ADAMTSL1: variants seen among roughly 807,000 people sequenced by gnomAD.
The protein encoded by ADAMTSL1 is ADAMTS-like protein 1.
ADAMTSL1 carries 126 observed loss-of-function variants against 201.8 expected under a neutral mutation model. The observed-to-expected ratio is 0.62, with a 90% CI of 0.54 to 0.72. The LOEUF (loss-of-function observed/expected upper bound fraction) is 0.72. Among genes scored for constraint, ADAMTSL1 ranks in the 30% least tolerant of loss-of-function variants. ADAMTSL1 has a pLI of 0.00. For synonymous variants in ADAMTSL1, 1,121 were observed against 903.4 expected, an observed-to-expected ratio of 1.24 and a Z score of -4.32; for missense variants, 2,679 against 2,277.8, an observed-to-expected ratio of 1.18 and a Z score of -3.59.
intron 4 of ADAMTSL1, among the ~76,000 whole-genome samples, chr9:18,593,584 T>A (rs1415534389): frequency 1.3e-5 from 2 of 151,306 alleles, no homozygotes; most frequent in Non-Finnish European, 2.9e-5. Flanking sequence ...GTATCCCATA[T>A]ATTTTGTTAT....
chr9:17,975,121 C>G (rs988225035), intron 1 of ADAMTSL1, among the ~76,000 whole-genome samples: 6 of 151,926 alleles, frequency 3.9e-5, no homozygotes, highest in Non-Finnish European at 8.8e-5. Flanking sequence ...GTCGTGATGT[C>G]AAGCATCTTT....
chr9:18,067,515 A>C (rs1446134036), intron 1 of ADAMTSL1, among the ~76,000 whole-genome samples: 1 of 149,914 alleles, frequency 6.7e-6, no homozygotes, highest in Non-Finnish European at 1.5e-5. Context: ...GTGTTTAGTG[A>C]GTTTAAGTAG....
chr9:18,399,783 G>T (rs1367883619), intron 2 of ADAMTSL1, among the ~76,000 whole-genome samples: 1 of 152,144 alleles, frequency 6.6e-6, no homozygotes, highest in Non-Finnish European at 1.5e-5. Context: ...CCATGGAGCT[G>T]GCTTGTTCCA....
intron 1 of ADAMTSL1, among the ~76,000 whole-genome samples, chr9:17,972,595 G>C (rs1292399395): frequency 6.6e-6 from 1 of 151,710 alleles, no homozygotes; most frequent in Non-Finnish European, 1.5e-5. Flanking sequence ...CCAAGTCTTT[G>C]CTGTTGTGAA....
chr9:18,626,916 T>C (rs116837193), intron 5 of ADAMTSL1, among the ~76,000 whole-genome samples: 21,279 of 149,006 alleles, frequency 0.14, 1,706 homozygotes, highest in Admixed American at 0.2. Context: ...TCTTTTCTTT[T>C]TTTCTTTTTC....
At chr9:18,028,503 T>C (rs1055174826) in intron 1 of ADAMTSL1, among the ~76,000 whole-genome samples, 8 of 152,066 alleles carry the variant, frequency 5.3e-5, no homozygotes, top group Non-Finnish European at 7.4e-5. Context: ...CCTAATGGGG[T>C]TCTCTTCTCT....
chr9:18,813,619 T>C (rs1261268143), intron 20 of ADAMTSL1, among the ~76,000 whole-genome samples: 1 of 152,222 alleles, frequency 6.6e-6, no homozygotes, highest in Non-Finnish European at 1.5e-5. Flanking sequence ...TTTCAGGTAG[T>C]TTACTATTAG....
chr9:18,866,314 G>C (rs1246099958), intron 23 of ADAMTSL1, among the ~76,000 whole-genome samples: 1 of 152,024 alleles, frequency 6.6e-6, no homozygotes, highest in Non-Finnish European at 1.5e-5. Context: ...AGAGAGCACT[G>C]TGTACACACA....
At chr9:18,084,463 A>C (rs1247660899) in intron 1 of ADAMTSL1, among the ~76,000 whole-genome samples, 2 of 151,950 alleles carry the variant, frequency 1.3e-5, no homozygotes, top group Non-Finnish European at 2.9e-5. Context: ...CGGAGGTTGC[A>C]GTGAGCCGAG....
intron 21 of ADAMTSL1, among the ~76,000 whole-genome samples, chr9:18,818,050 C>T (rs12551997): frequency 0.084 from 12,834 of 152,152 alleles, 676 homozygotes; most frequent in East Asian, 0.28. Context: ...AAATATTTAC[C>T]TTCAATTAAA....
chr9:18,902,311 T>C (rs1830058965), intron 26 of ADAMTSL1, among the ~76,000 whole-genome samples: 1 of 152,200 alleles, frequency 6.6e-6, no homozygotes, highest in African/African-American at 2.4e-5. Flanking sequence ...TACTTGTTTT[T>C]TCTCAAGTGC....
chr9:18,583,610 A>G (rs554249343), intron 4 of ADAMTSL1, among the ~76,000 whole-genome samples: 91 of 152,306 alleles, frequency 6.0e-4, no homozygotes, highest in African/African-American at 2.1e-3. Context: ...TGGTAGATCC[A>G]CTGACAGCTT....
Position 18,307,535 on chromosome 9 carries a change from G to T in ADAMTSL1, c.207+143554G>T, listed in dbSNP as rs1023714617. On this transcript the variant is annotated intron_variant, in intron 2 of 29. Transcript: ENST00000680146. ...AAAGGGAAAACCAAAAAAAAGCAGG[G>T]GTTGCAATCCTATTCTCTCATAAAA... is the stretch of plus-strand genomic sequence containing the variant. Among the ~76,000 whole-genome samples the T allele has an allele frequency of 2.0e-5, 3 of 152,054 alleles. No individual in the cohort carries two copies. In the East Asian group the frequency reaches 5.8e-4, roughly 29 times the overall value.
intron 13 of ADAMTSL1, among the ~76,000 whole-genome samples, chr9:18,705,561 A>G (rs544702932): frequency 7.9e-5 from 12 of 152,326 alleles, no homozygotes; most frequent in African/African-American, 2.2e-4. Context: ...TGTTGAGCAC[A>G]CTTGTCTGAA....
At chr9:17,948,495 A>T (rs1255661228) in intron 1 of ADAMTSL1, among the ~76,000 whole-genome samples, 1 of 152,198 alleles carries the variant, frequency 6.6e-6, no homozygotes, top group Non-Finnish European at 1.5e-5. Flanking sequence ...GTATTAAAAT[A>T]CACTTTATTT....
rs1393091532 is a variant in ADAMTSL1, at chr9:18,063,034, C to CA, written c.88-100822dup. ...TCCTATTCCATAAGTTTTCATATTA[C>CA]AAAAAAGTTTGTTGCCGGGTGTGGT... On this transcript the variant is annotated intron_variant, in intron 1 of 29. Coordinates refer to the ADAMTSL1 transcript ENST00000680146. 2.5e-4 allele frequency among the ~76,000 whole-genome samples: 38 copies of CA among 152,194 alleles called. No individual in the cohort carries two copies. In the East Asian group the frequency reaches 3.5e-3, roughly 14 times the overall value.
At chr9:18,784,595 T>C (rs1327571758) in intron 19 of ADAMTSL1, among the ~76,000 whole-genome samples, 1 of 152,204 alleles carries the variant, frequency 6.6e-6, no homozygotes, top group Non-Finnish European at 1.5e-5. Flanking sequence ...ACCCTGAGAT[T>C]CTGTGACACA....
chr9:18,321,974 A>G (rs985825931), intron 2 of ADAMTSL1, among the ~76,000 whole-genome samples: 7 of 152,204 alleles, frequency 4.6e-5, no homozygotes, highest in African/African-American at 1.2e-4. Context: ...ATTAGAAATC[A>G]ATAATAATAA....
intron 28 of ADAMTSL1, 77 bp downstream of exon 28, chr9:18,906,989 C>G (rs771154990): frequency 6.2e-5 from 95 of 1,531,166 alleles, no homozygotes; most frequent in Non-Finnish European, 1.1e-5. Flanking sequence ...CTGGGACCGA[C>G]CCTGAGCATA....
Sources: gnomAD v4.1 joint callset for allele counts (sites outside exome capture counted in the v4.1 genomes callset) on GRCh38, gnomAD v4.1.1 for gene constraint, MANE v1.5 for transcripts, NCBI Gene and HGNC (gene_info 2026-07-23, HGNC 2026-07-21) for gene names.